The following BDP1 variants were observed in gnomAD, a reference collection of about 807,000 sequenced individuals.
BDP1 encodes BDP1 general transcription factor IIIB subunit, also known as transcription factor TFIIIB component B'' homolog.
BDP1 carries 169 observed loss-of-function variants against 266.6 expected under a neutral mutation model. The observed-to-expected ratio is 0.63, with a 90% CI of 0.56 to 0.72. The LOEUF (loss-of-function observed/expected upper bound fraction) is 0.72. BDP1 is among the 30% of genes least tolerant of loss of function. BDP1 has a pLI of 0.00. For synonymous variants in BDP1, 1,090 were observed against 1,022.4 expected, an observed-to-expected ratio of 1.07 and a Z score of -1.26; for missense variants, 3,015 against 3,053.8, an observed-to-expected ratio of 0.99 and a Z score of 0.30.
In BDP1 at chr5:71,542,040, A is replaced by T. The variant is rs1458826294; in HGVS notation, c.6252-65A>T. ...CATTCACTCTATCAGTGCTAGACAGACTGTATTAATGTGAGAGAGCAAGAT... is the reference window on the plus strand; with the variant it reads ...CATTCACTCTATCAGTGCTAGACAGTCTGTATTAATGTGAGAGAGCAAGAT... On this transcript the variant is annotated intron_variant, in intron 29 of 38. Transcript: ENST00000358731. 3 of 1,327,026 alleles carry T rather than the reference A, an allele frequency of 2.3e-6. No homozygotes were observed. The East Asian group carries it at 7.0e-5, about 31-fold the overall frequency. 82.2% of individuals were successfully genotyped at this position (1,327,026 alleles called of 1,614,324 possible).
intron 7 of BDP1, among the ~76,000 whole-genome samples, chr5:71,481,131 G>A (rs546992482): frequency 9.3e-5 from 14 of 151,316 alleles, no homozygotes; most frequent in African/African-American, 2.9e-4. Context: ...CTGAGATCGC[G>A]CCACTGCGCT....
intron 22 of BDP1, among the ~76,000 whole-genome samples, chr5:71,521,187 CAA>C (rs113805483): frequency 2.6e-4 from 18 of 68,574 alleles, no homozygotes; most frequent in Admixed American, 3.3e-4. Flanking sequence ...AACTCCGTCT[CAA>C]AAAAAAAAAA....
In BDP1 at chr5:71,544,383, A is replaced by T. The variant is rs1032533688; in HGVS notation, c.6439A>T (p.Thr2147Ser). The stretch of plus-strand genomic sequence containing the variant: ...AACAGAGAAAAATGCTTCCAAAGCA[A>T]CAGAATTGGAAAATAAAAACCTCGG... ...RETEKNASKATELENKNLGPV... is the reference protein window; with the variant it reads ...RETEKNASKASELENKNLGPV... The change falls in exon 31 of 39, where the codon ACA (threonine) becomes TCA (serine). Residue 2147 changes from threonine (T) to serine (S), a missense_variant. Physicochemically the swap from Thr to Ser is moderately conservative, Grantham distance 58 (BLOSUM62 1). Around this residue, in one of 3 missense-constraint regions of BDP1, gnomAD observed 629 missense variants for 632.5 expected, o/e 0.99. Transcript: ENST00000358731. 1 of 1,609,690 alleles carries T rather than the reference A, an allele frequency of 6.2e-7. No individual in the cohort carries two copies. Among genetic ancestry groups the T allele is most frequent in the South Asian group, 1.1e-5 (1 of 89,518 alleles).
intron 30 of BDP1, among the ~76,000 whole-genome samples, chr5:71,543,818 A>T (rs778121678): frequency 6.6e-6 from 1 of 152,212 alleles, no homozygotes; most frequent in Non-Finnish European, 1.5e-5. Context: ...ATCATTAATG[A>T]TACTTTGTAT....
chr5:71,512,191 T>C, intron 17 of BDP1, 50 bp from the exon 18 acceptor site: 1 of 916,880 alleles, frequency 1.1e-6, no homozygotes, highest in Non-Finnish European at 1.5e-6. Flanking sequence ...ATATATAAGA[T>C]GTTTAAATAC....
chr5:71,525,226 C>G (rs1346346194), intron 25 of BDP1, among the ~76,000 whole-genome samples: 1 of 151,272 alleles, frequency 6.6e-6, no homozygotes, highest in Non-Finnish European at 1.5e-5. Context: ...CAGAGGCGCC[C>G]CTCACCTCCC....
intron 2 of BDP1, 92 bp from the exon 3 acceptor site, chr5:71,461,725 A>G (rs1053639907): frequency 1.5e-6 from 1 of 677,072 alleles, no homozygotes; most frequent in Non-Finnish European, 2.6e-6. Context: ...AAGCACTTAC[A>G]GTGAACGCAA....
intron 18 of BDP1, 49 bp from the exon 19 acceptor site, chr5:71,513,136 C>T (rs200081360): frequency 7.4e-7 from 1 of 1,351,664 alleles, no homozygotes; most frequent in African/African-American, 1.5e-5. Context: ...ACTCCGTTTC[C>T]ACTGCCCCTT....
intron 8 of BDP1, 120 bp from the exon 9 acceptor site, chr5:71,486,360 ATTTG>A (rs1221142852): frequency 1.4e-6 from 1 of 734,878 alleles, no homozygotes; most frequent in Non-Finnish European, 2.1e-6. Flanking sequence ...TCTGTTGTGT[ATTTG>A]TTTTTCTGTT....
intron 29 of BDP1, 115 bp from the exon 30 acceptor site, chr5:71,541,990 G>A: frequency 1.3e-6 from 1 of 798,966 alleles, no homozygotes. Flanking sequence ...ATGAACACTT[G>A]TAGACAGTGT....
intron 34 of BDP1, among the ~76,000 whole-genome samples, chr5:71,551,320 G>A (rs899233889): frequency 1.3e-5 from 2 of 152,016 alleles, no homozygotes; most frequent in Non-Finnish European, 2.9e-5. Flanking sequence ...GACTCTTAAC[G>A]AGCATACTGC....
At position 71,466,219 on chromosome 5, in the gene BDP1, A is replaced by C. The variant is rs770897174; in HGVS notation, c.783A>C (p.Glu261Asp). Residue 261 changes from glutamate (E) to aspartate (D), a missense_variant and splice_region_variant, in exon 5 of 39, where the codon GAA becomes GAC. Glu to Asp is a conservative substitution (Grantham distance 45). Around this residue, in one of 3 missense-constraint regions of BDP1, gnomAD observed 2,383 missense variants for 2,404.9 expected, o/e 0.99. Transcript: ENST00000358731. ...AEDGSIILDE[E>D]SLTVEVLRTK... Reference sequence around the variant, plus strand: ...ATGGTTCCATTATTTTGGATGAAGAAAGGTATTTAGAAAAGAGAAAAAGTG... The same window carrying C: ...ATGGTTCCATTATTTTGGATGAAGACAGGTATTTAGAAAAGAGAAAAAGTG... 11 of 1,613,992 alleles carry C rather than the reference A, an allele frequency of 6.8e-6. No homozygotes were observed. The South Asian group carries it at 1.2e-4, about 18-fold the overall frequency.
Position 71,510,755 on chromosome 5 carries a change from T to C in BDP1, c.3663T>C (p.Gly1221=). Residue 1221 remains glycine, a synonymous_variant, in exon 17 of 39, where the codon GGT becomes GGC. Transcript: ENST00000358731. The part of the protein sequence containing the change: ...ENGPEEVKPV[G]KMETDLKEIR... ...GCCCAGAGGAGGTCAAGCCTGTAGG[T>C]AAAATGGAGACAGATTTGAAAGAAA... 2 of 1,614,080 alleles carry C rather than the reference T, an allele frequency of 1.2e-6. No individual in the cohort carries two copies. Among genetic ancestry groups the C allele is most frequent in the Admixed American group, 1.7e-5 (1 of 60,006 alleles).
chr5:71,530,396 C>T (rs540032018), intron 25 of BDP1, among the ~76,000 whole-genome samples: 11 of 151,860 alleles, frequency 7.2e-5, no homozygotes, highest in East Asian at 1.9e-4. Context: ...CCACCACACC[C>T]GGCTAATTTT....
chr5:71,516,301 C>A (rs1294481362), intron 21 of BDP1, 30 bp downstream of exon 21: 1 of 1,527,110 alleles, frequency 6.5e-7, no homozygotes, highest in Non-Finnish European at 9.0e-7. Flanking sequence ...TTAAATTTAG[C>A]CTTTTAATGC....
rs796894173 is a variant in BDP1 at position 71,537,434 on chromosome 5, T to A, written c.5893-1608T>A. ...GGATTTCCTTCTTCTTAAAAATGTT[T>A]CTAGAGTTACTAAAAAACTTGCATT... On this transcript the variant is annotated intron_variant, in intron 26 of 38. Coordinates refer to ENST00000358731, the MANE Select transcript of BDP1 (RefSeq NM_018429.3). Among the ~76,000 whole-genome samples the A allele has an allele frequency of 4.5e-4, 69 of 152,326 alleles. 1 individual carries two copies. The highest frequency in any genetic ancestry group is 1.6e-3 in the African/African-American group (68 of 41,586).
Position 71,522,851 on chromosome 5 carries a change from A to C in BDP1, c.5289A>C (p.Leu1763Phe). The change falls in exon 24 of 39, where the codon TTA (leucine) becomes TTC (phenylalanine). Residue 1763 changes from leucine to phenylalanine, a missense_variant. Physicochemically the swap from Leu to Phe is conservative, Grantham distance 22. This residue lies in a region of BDP1 where 2,383 missense variants were observed against 2,404.9 expected (regional missense o/e 0.99). Transcript: ENST00000358731. ...CTTTGGCAAAAATAGATGCGGAATTAGAAGAAGTTGGACCATCAAGAAGGG... is the reference window on the plus strand; with the variant it reads ...CTTTGGCAAAAATAGATGCGGAATTCGAAGAAGTTGGACCATCAAGAAGGG... Reference protein sequence around the residue: ...ESALAKIDAELEEVGPSRRVG... With the variant: ...ESALAKIDAEFEEVGPSRRVG... The C allele has an allele frequency of 6.2e-7, 1 of 1,614,038 alleles. No homozygotes were observed. Among genetic ancestry groups the C allele is most frequent in the Non-Finnish European group, 8.5e-7 (1 of 1,179,952 alleles).
At chr5:71,478,576 A>G (rs1762738454) in intron 7 of BDP1, among the ~76,000 whole-genome samples, 1 of 151,570 alleles carries the variant, frequency 6.6e-6, no homozygotes, top group Non-Finnish European at 1.5e-5. Flanking sequence ...CCTGGCTTTC[A>G]GTGTTGCTGA....
In BDP1 at chr5:71,517,339, A is replaced by G. The variant is rs1765275176; in HGVS notation, c.4878A>G (p.Glu1626=). The change falls in exon 22 of 39, where the codon GAA becomes GAG. Residue 1626 remains glutamate (E), a synonymous_variant. Coordinates refer to ENST00000358731, the MANE Select transcript of BDP1 (RefSeq NM_018429.3). ...KVLTVSNSQI[E]TEIEVPSSAV... The stretch of plus-strand genomic sequence containing the variant: ...CTTTTCAGTCAAATTCTCAAATTGA[A>G]ACTGAAATTGAAGTTCCATCGTCCG... 4 of 1,597,312 alleles carry G rather than the reference A, an allele frequency of 2.5e-6. 1 individual carries two copies. In the South Asian group the frequency reaches 4.6e-5, roughly 18 times the overall value.
Sources: gnomAD v4.1 joint callset for allele counts (sites outside exome capture counted in the v4.1 genomes callset) on GRCh38, gnomAD v4.1.1 for gene constraint, gnomAD v4.1.1 regional missense constraint, MANE v1.5 for transcripts, NCBI Gene and HGNC (gene_info 2026-07-23, HGNC 2026-07-21) for gene names.